The following DENND1A variants were observed in gnomAD, a reference collection of about 807,000 sequenced individuals.
DENND1A encodes the protein DENN domain-containing protein 1A.
A neutral mutation model predicts 113.7 loss-of-function variants in DENND1A; 51 were observed. That is an observed-to-expected ratio of 0.45 (90% CI 0.36 to 0.57). The LOEUF (loss-of-function observed/expected upper bound fraction) is 0.57. DENND1A is among the 20% of genes least tolerant of loss of function. The pLI is 0.00. For missense variants in DENND1A, 1,258 were observed against 1,395.9 expected (o/e 0.90, Z 1.57); for synonymous variants, 565 against 570.8 (o/e 0.99, Z 0.14).
chr9:123,446,331 C>T (rs879727194), intron 18 of DENND1A, among the ~76,000 whole-genome samples: 3 of 152,132 alleles, frequency 2.0e-5, no homozygotes, highest in Admixed American at 6.5e-5. Flanking sequence ...GAGGCTGCAG[C>T]GTATTTTAAT....
intron 10 of DENND1A, among the ~76,000 whole-genome samples, chr9:123,611,195 T>C (rs1313898835): frequency 6.6e-6 from 1 of 152,214 alleles, no homozygotes; most frequent in Non-Finnish European, 1.5e-5. Context: ...TCTTCTTTTT[T>C]TTAGGTATCT....
intron 21 of DENND1A, among the ~76,000 whole-genome samples, chr9:123,390,541 C>A (rs1194779650): frequency 3.3e-5 from 5 of 152,222 alleles, no homozygotes; most frequent in African/African-American, 1.2e-4. Flanking sequence ...GAAGGTGTCG[C>A]AATACTGATT....
At chr9:123,915,002 C>T (rs1854830191) in intron 1 of DENND1A, among the ~76,000 whole-genome samples, 1 of 152,056 alleles carries the variant, frequency 6.6e-6, no homozygotes, top group Non-Finnish European at 1.5e-5. Flanking sequence ...TTCTGCTGGC[C>T]AAAAGCTAGC....
intron 1 of DENND1A, among the ~76,000 whole-genome samples, chr9:123,884,268 T>G (rs1848709418): frequency 6.6e-6 from 1 of 152,184 alleles, no homozygotes; most frequent in South Asian, 2.1e-4. Flanking sequence ...ACTTTTTGGC[T>G]AAAGGAACTG....
At chr9:123,484,826 G>A (rs1176700067) in intron 13 of DENND1A, among the ~76,000 whole-genome samples, 3 of 152,132 alleles carry the variant, frequency 2.0e-5, no homozygotes, top group Non-Finnish European at 4.4e-5. Context: ...GCAACAGTGG[G>A]GTGCACACTG....
intron 9 of DENND1A, among the ~76,000 whole-genome samples, chr9:123,648,835 T>C (rs2062483026): frequency 6.6e-6 from 1 of 152,168 alleles, no homozygotes; most frequent in African/African-American, 2.4e-5. Flanking sequence ...CGGTCTTCCT[T>C]TTTTTTCCTA....
intron 2 of DENND1A, among the ~76,000 whole-genome samples, chr9:123,833,591 C>T (rs2132825652): frequency 6.6e-6 from 1 of 152,286 alleles, no homozygotes; most frequent in Admixed American, 6.5e-5. Flanking sequence ...ATGAGCTTCA[C>T]TAGCAGTAAA....
intron 5 of DENND1A, among the ~76,000 whole-genome samples, chr9:123,711,811 C>G (rs1211038369): frequency 6.6e-6 from 1 of 152,046 alleles, no homozygotes; most frequent in South Asian, 2.1e-4. Flanking sequence ...AGTTTCTTAT[C>G]CTTGGTGTTC....
At chr9:123,525,758 CTTT>C (rs34055700) in intron 13 of DENND1A, among the ~76,000 whole-genome samples, 5 of 129,816 alleles carry the variant, frequency 3.9e-5, no homozygotes, top group Admixed American at 2.4e-4. Context: ...TGCAGTCTAC[CTTT>C]TTTTTTTTTT....
intron 20 of DENND1A, among the ~76,000 whole-genome samples, chr9:123,407,462 T>TCA (rs1442194185): frequency 1.1e-4 from 17 of 151,544 alleles, no homozygotes; most frequent in Admixed American, 4.6e-4. Flanking sequence ...ACACACCCCC[T>TCA]CACACACACA....
At chr9:123,403,298 G>C in intron 21 of DENND1A, 104 bp downstream of exon 21, 1 of 1,157,982 alleles carries the variant, frequency 8.6e-7, no homozygotes, top group Non-Finnish European at 1.3e-6. Context: ...TGGGAGCCCC[G>C]GGGAAGCCTC....
intron 2 of DENND1A, among the ~76,000 whole-genome samples, chr9:123,877,312 A>G (rs1564430879): frequency 6.6e-6 from 1 of 151,684 alleles, no homozygotes; most frequent in Non-Finnish European, 1.5e-5. Context: ...ACATAGTGAA[A>G]CCCCGTCTCT....
At chr9:123,645,014 T>C (rs1337324395) in intron 9 of DENND1A, among the ~76,000 whole-genome samples, 2 of 152,200 alleles carry the variant, frequency 1.3e-5, no homozygotes, top group African/African-American at 4.8e-5. Context: ...CTGAAGTATT[T>C]ACATTAGAGA....
chr9:123,442,490 A>C (rs2047000521), intron 18 of DENND1A, among the ~76,000 whole-genome samples: 1 of 152,206 alleles, frequency 6.6e-6, no homozygotes, highest in Admixed American at 6.5e-5. Flanking sequence ...ATCCAGGTGA[A>C]GATCCTACAA....
intron 5 of DENND1A, among the ~76,000 whole-genome samples, chr9:123,680,159 C>G (rs1365760982): frequency 1.3e-5 from 2 of 152,130 alleles, no homozygotes; most frequent in African/African-American, 2.4e-5. Context: ...ATGACCCAAT[C>G]AGAAGACAGA....
chr9:123,861,341 C>T (rs1017400916), intron 2 of DENND1A, among the ~76,000 whole-genome samples: 12 of 152,200 alleles, frequency 7.9e-5, no homozygotes, highest in African/African-American at 2.9e-4. Flanking sequence ...GAAAAACTGA[C>T]AGATCACAGG....
At chr9:123,459,610 T>C (rs892482058) in intron 13 of DENND1A, among the ~76,000 whole-genome samples, 5 of 152,274 alleles carry the variant, frequency 3.3e-5, no homozygotes, top group African/African-American at 9.6e-5. Flanking sequence ...GGAGTGCTTA[T>C]CTACACAGAC....
At chr9:123,627,154 T>C (rs1353834772) in intron 10 of DENND1A, among the ~76,000 whole-genome samples, 1 of 152,174 alleles carries the variant, frequency 6.6e-6, no homozygotes, top group Non-Finnish European at 1.5e-5. Flanking sequence ...CACCACTCTC[T>C]AGCAGGTCCT....
At chr9:123,602,730 T>C (rs2059988318) in intron 11 of DENND1A, among the ~76,000 whole-genome samples, 1 of 152,238 alleles carries the variant, frequency 6.6e-6, no homozygotes, top group South Asian at 2.1e-4. Context: ...GGTGGCACAA[T>C]TATGGCTCAC....
Sources: gnomAD v4.1 joint callset for allele counts (sites outside exome capture counted in the v4.1 genomes callset) on GRCh38, gnomAD v4.1.1 for gene constraint, MANE v1.5 for transcripts, NCBI Gene and HGNC (gene_info 2026-07-23, HGNC 2026-07-21) for gene names.